Variants in ACKR3 observed in about 807,000 individuals in gnomAD.
ACKR3 encodes the protein atypical chemokine receptor 3, also known as C-X-C chemokine receptor type 7.
ACKR3 carries 6 observed loss-of-function variants against 22.4 expected under a neutral mutation model. That is an observed-to-expected ratio of 0.27 (90% confidence interval 0.15 to 0.53). The LOEUF (loss-of-function observed/expected upper bound fraction) is 0.53, where lower values mean the gene tolerates loss of function less well. ACKR3 is among the 20% of genes least tolerant of loss of function. The pLI is 0.96. For synonymous variants in ACKR3, 209 were observed against 205.2 expected, an observed-to-expected ratio of 1.02 and a Z score of -0.16; for missense variants, 396 against 475.2, an observed-to-expected ratio of 0.83 and a Z score of 1.55.
At position 236,581,216 on chromosome 2, in the gene ACKR3, C is replaced by A. The variant is rs201845893; in HGVS notation, c.751C>A (p.Arg251=). 6.2e-7 allele frequency: 1 copy of A among 1,613,880 alleles called. No individual in the cohort carries two copies. Among genetic ancestry groups the A allele is most frequent in the African/African-American group, 1.3e-5 (1 of 74,920 alleles). Residue 251 remains arginine, a synonymous_variant, in exon 2 of 2, where the codon CGG becomes AGG. Transcript: ENST00000272928. The surrounding 1 kb of genome is among the most constrained non-coding windows in gnomAD (Gnocchi z 4.4). Reference sequence around the variant, plus strand: ...CAGTGACCAGGAGAAGCACAGCAGCCGGAAGATCATCTTCTCCTACGTGGT... The same window carrying A: ...CAGTGACCAGGAGAAGCACAGCAGCAGGAAGATCATCTTCTCCTACGTGGT... The part of the protein sequence containing the change: ...ASSDQEKHSS[R]KIIFSYVVVF...
the ACKR3 span, among the ~76,000 whole-genome samples, chr2:236,548,440 T>A: frequency 6.6e-6 from 1 of 152,204 alleles, no homozygotes; most frequent in Non-Finnish European, 1.5e-5. The surrounding 1 kb of genome is among the most constrained non-coding windows in gnomAD (Gnocchi z 4.3). Flanking sequence ...TGGTATGTTA[T>A]TTTGAATTCT....
At chr2:236,555,053 T>C in the ACKR3 span, among the ~76,000 whole-genome samples, 1 of 152,226 alleles carries the variant, frequency 6.6e-6, no homozygotes, top group Non-Finnish European at 1.5e-5. Flanking sequence ...GTTGCCAAGC[T>C]CATGCTGAGG....
At chr2:236,537,834 T>C in the ACKR3 span, among the ~76,000 whole-genome samples, 3 of 152,260 alleles carry the variant, frequency 2.0e-5, no homozygotes, top group Non-Finnish European at 4.4e-5. Context: ...AAAGGGTTAA[T>C]GTTCTTATCA....
At position 236,580,660 on chromosome 2, in the gene ACKR3, G is replaced by A. The variant is rs1207495414; in HGVS notation, c.195G>A (p.Val65=). ...TCGGCATGATTGCCAACTCCGTGGTGGTCTGGGTGAATATCCAGGCCAAGA... is the reference window on the plus strand; with the variant it reads ...TCGGCATGATTGCCAACTCCGTGGTAGTCTGGGTGAATATCCAGGCCAAGA... ...FVIGMIANSV[V]VWVNIQAKTT... is the part of the protein sequence containing the mutation. The change falls in exon 2 of 2, where the codon GTG becomes GTA. Residue 65 remains valine (V), a synonymous_variant. Transcript: ENST00000272928. 3 of 1,613,990 alleles carry A rather than the reference G, an allele frequency of 1.9e-6. No homozygotes were observed. Among genetic ancestry groups the A allele is most frequent in the African/African-American group, 2.7e-5 (2 of 74,908 alleles).
At chr2:236,563,733 A>T (rs544808398), upstream of ACKR3, among the ~76,000 whole-genome samples, 24 of 151,992 alleles carry the variant, frequency 1.6e-4, no homozygotes, top group African/African-American at 5.3e-4. Context: ...AGATTCCGGG[A>T]CCCCCTTAGG....
chr2:236,580,260 G>A (rs929277674), intron 1 of ACKR3, among the ~76,000 whole-genome samples, 180 bp from the exon 2 acceptor site: 1 of 152,196 alleles, frequency 6.6e-6, no homozygotes, highest in Non-Finnish European at 1.5e-5. Flanking sequence ...GATTTATTTT[G>A]TTTTGGAGAG....
the ACKR3 span, among the ~76,000 whole-genome samples, chr2:236,554,205 C>A: frequency 6.6e-6 from 1 of 152,192 alleles, no homozygotes; most frequent in Non-Finnish European, 1.5e-5. Context: ...GGGTTATTAA[C>A]TCTTCATGCA....
Position 236,577,707 on chromosome 2 carries a change from G to C in ACKR3, c.-26-2733G>C, listed in dbSNP as rs376523573. 2.0e-5 allele frequency among the ~76,000 whole-genome samples: 3 copies of C among 152,160 alleles called. No homozygotes were observed. Among genetic ancestry groups the C allele is most frequent in the Non-Finnish European group, 4.4e-5 (3 of 68,028 alleles). Reference sequence around the variant, plus strand: ...TGAGCCAGAGGAATGTCACCATGGTGGGGGAGAGAGGTGGGGCGGATTCGG... The same window carrying C: ...TGAGCCAGAGGAATGTCACCATGGTCGGGGAGAGAGGTGGGGCGGATTCGG... On this transcript the variant is annotated intron_variant, in intron 1 of 1. Transcript: ENST00000272928. The surrounding 1 kb of genome is among the most constrained non-coding windows in gnomAD (Gnocchi z 5.6).
chr2:236,537,864 C>T, the ACKR3 span, among the ~76,000 whole-genome samples: 1 of 152,184 alleles, frequency 6.6e-6, no homozygotes, highest in Non-Finnish European at 1.5e-5. Flanking sequence ...TTCTTTCTTT[C>T]ACTAATGCGT....
the ACKR3 span, among the ~76,000 whole-genome samples, chr2:236,537,154 G>A: frequency 7.2e-5 from 11 of 152,294 alleles, 1 homozygote; most frequent in South Asian, 1.5e-3. Context: ...GGTTAAACAC[G>A]GTGTTACCTG....
chr2:236,576,953 C>A (rs1259077515), intron 1 of ACKR3, among the ~76,000 whole-genome samples: 1 of 152,184 alleles, frequency 6.6e-6, no homozygotes, highest in South Asian at 2.1e-4. Context: ...TGCTTAATCT[C>A]CCTTTTCACT....
chr2:236,551,971 C>T, the ACKR3 span, among the ~76,000 whole-genome samples: 7 of 152,276 alleles, frequency 4.6e-5, no homozygotes, highest in South Asian at 2.1e-4. Context: ...TTCCCCTCCT[C>T]GTGGCTTGGT....
At chr2:236,546,133 C>T in the ACKR3 span, among the ~76,000 whole-genome samples, 1 of 152,218 alleles carries the variant, frequency 6.6e-6, no homozygotes, top group Non-Finnish European at 1.5e-5. The surrounding 1 kb of genome is among the most constrained non-coding windows in gnomAD (Gnocchi z 4.9). Context: ...AATTTTCTTT[C>T]TAACGATTCT....
chr2:236,580,575 T>C lies in ACKR3; in HGVS notation c.110T>C (p.Met37Thr). 2 of 1,613,688 alleles carry C rather than the reference T, an allele frequency of 1.2e-6. No individual in the cohort carries two copies. Among genetic ancestry groups the C allele is most frequent in the Non-Finnish European group, 1.7e-6 (2 of 1,179,762 alleles). ...IVVDTVMCPNMPNKSVLLYTL... is the reference protein window; with the variant it reads ...IVVDTVMCPNTPNKSVLLYTL... Reference sequence around the variant, plus strand: ...GTGGACACGGTGATGTGTCCCAACATGCCCAACAAAAGCGTCCTGCTCTAC... The same window carrying C: ...GTGGACACGGTGATGTGTCCCAACACGCCCAACAAAAGCGTCCTGCTCTAC... The change falls in exon 2 of 2, where the codon ATG (methionine) becomes ACG (threonine). Residue 37 changes from methionine to threonine, a missense_variant. Physicochemically the swap from Met to Thr is moderately conservative, Grantham distance 81. Transcript: ENST00000272928.
chr2:236,539,264 C>G, the ACKR3 span, among the ~76,000 whole-genome samples: 17 of 148,452 alleles, frequency 1.1e-4, no homozygotes, highest in African/African-American at 4.2e-4. Flanking sequence ...GTCTCTCTCT[C>G]TCTCTCTCTC....
At chr2:236,576,465 G>T (rs1005538135) in intron 1 of ACKR3, among the ~76,000 whole-genome samples, 1 of 152,226 alleles carries the variant, frequency 6.6e-6, no homozygotes, top group Admixed American at 6.5e-5. Flanking sequence ...TTCAGATTTT[G>T]CAGGGAGCTT....
At chr2:236,573,360 C>T (rs1691347800) in intron 1 of ACKR3, among the ~76,000 whole-genome samples, 1 of 152,202 alleles carries the variant, frequency 6.6e-6, no homozygotes, top group Non-Finnish European at 1.5e-5. Context: ...AGCATGATTC[C>T]CGCTGGAGAG....
rs1403669116 is a variant in ACKR3 at position 236,580,630 on chromosome 2, C to T, written c.165C>T (p.Phe55=). 1.7e-5 allele frequency: 28 copies of T among 1,613,750 alleles called. No homozygotes were observed. The Admixed American group carries it at 2.3e-4, about 13-fold the overall frequency. ...YTLSFIYIFI[F]VIGMIANSVV... Reference sequence around the variant, plus strand: ...TCTCCTTCATTTACATTTTCATCTTCGTCATCGGCATGATTGCCAACTCCG... The same window carrying T: ...TCTCCTTCATTTACATTTTCATCTTTGTCATCGGCATGATTGCCAACTCCG... The change falls in exon 2 of 2, where the codon TTC becomes TTT. Residue 55 remains phenylalanine (F), a synonymous_variant. Transcript: ENST00000272928.
the ACKR3 span, among the ~76,000 whole-genome samples, chr2:236,557,340 C>A: frequency 2.0e-5 from 3 of 151,184 alleles, no homozygotes; most frequent in African/African-American, 7.3e-5. Flanking sequence ...TGCAACACAC[C>A]AATAGCAAGG....
Sources: allele counts gnomAD v4.1 joint callset (sites outside exome capture counted in the v4.1 genomes callset), GRCh38; gene constraint gnomAD v4.1.1; non-coding constraint Gnocchi (gnomAD v3.1); transcripts MANE v1.5; gene names NCBI Gene and HGNC (gene_info 2026-07-23, HGNC 2026-07-21).